PIGN: variants seen among roughly 807,000 people sequenced by gnomAD.
The protein encoded by PIGN is GPI ethanolamine phosphate transferase 1.
A neutral mutation model predicts 125.4 loss-of-function variants in PIGN; 117 were observed. The ratio of observed to expected loss-of-function variants is 0.93; its 90% confidence interval spans 0.80 to 1.09. The LOEUF (loss-of-function observed/expected upper bound fraction) is 1.09, where lower values mean the gene tolerates loss of function less well. PIGN is among the 50% of genes least tolerant of loss of function. The probability of loss-of-function intolerance (pLI) is 0.00; values close to 1 mark genes in which losing one functional copy is unlikely to be tolerated. For synonymous variants in PIGN, 392 were observed against 377.8 expected (o/e 1.04, Z -0.44); for missense variants, 1,075 against 1,094.9 (o/e 0.98, Z 0.26).
intron 10 of PIGN, among the ~76,000 whole-genome samples, chr18:62,144,184 A>G (rs1184520217): frequency 6.6e-6 from 1 of 152,228 alleles, no homozygotes; most frequent in Non-Finnish European, 1.5e-5. Context: ...GTGATTCTAA[A>G]ACGTCAATTC....
At chr18:62,156,649 T>C (rs553316857) in intron 6 of PIGN, among the ~76,000 whole-genome samples, 2 of 152,306 alleles carry the variant, frequency 1.3e-5, no homozygotes, top group Admixed American at 6.5e-5. Flanking sequence ...AATCTTTATA[T>C]GAGTAGCTAC....
chr18:62,092,376 C>A (rs1465125840), intron 23 of PIGN, among the ~76,000 whole-genome samples: 1 of 151,768 alleles, frequency 6.6e-6, no homozygotes, highest in Non-Finnish European at 1.5e-5. Context: ...AAGACAATTA[C>A]AAGTTAAAAA....
downstream of PIGN, among the ~76,000 whole-genome samples, chr18:62,039,746 A>T (rs56029526): frequency 8.1e-5 from 6 of 74,016 alleles, no homozygotes; most frequent in South Asian, 6.3e-4. Context: ...TTAGGGCCCC[A>T]TCCAGGGTGC....
At chr18:62,178,454 A>G (rs1307348420) in intron 1 of PIGN, among the ~76,000 whole-genome samples, 1 of 152,000 alleles carries the variant, frequency 6.6e-6, no homozygotes, top group Non-Finnish European at 1.5e-5. Context: ...AACATTTACT[A>G]AAAATACACA....
At chr18:62,093,039 C>T (rs2035275851) in intron 23 of PIGN, among the ~76,000 whole-genome samples, 1 of 152,000 alleles carries the variant, frequency 6.6e-6, no homozygotes, top group Non-Finnish European at 1.5e-5. Flanking sequence ...ACTAGCAGTA[C>T]ACTAATGGTT....
chr18:62,068,760 A>G (rs17634631), intron 30 of PIGN, among the ~76,000 whole-genome samples: 25,752 of 152,060 alleles, frequency 0.17, 2,943 homozygotes, highest in Middle Eastern at 0.28. Flanking sequence ...CACTTCTTTC[A>G]GCCTTGTTTC....
chr18:62,075,938 T>A (rs1350923704), intron 28 of PIGN: 2 of 151,684 alleles, frequency 1.3e-5, no homozygotes, highest in Non-Finnish European at 2.9e-5. Flanking sequence ...CATTGTTGAT[T>A]TTTTTTTTCT....
intron 30 of PIGN, among the ~76,000 whole-genome samples, chr18:62,063,118 C>T (rs1305707191): frequency 6.6e-6 from 1 of 151,332 alleles, no homozygotes; most frequent in African/African-American, 2.4e-5. Context: ...ATGTGTCAAG[C>T]AAACACAGGT....
chr18:62,134,299 G>A (rs549972555), intron 14 of PIGN, among the ~76,000 whole-genome samples: 15 of 152,262 alleles, frequency 9.9e-5, no homozygotes, highest in African/African-American at 3.4e-4. Context: ...ACTGAGGCAG[G>A]AGAATTGCTT....
At chr18:62,161,806 C>A (rs1207969211) in intron 3 of PIGN, among the ~76,000 whole-genome samples, 1 of 152,058 alleles carries the variant, frequency 6.6e-6, no homozygotes, top group African/African-American at 2.4e-5. Flanking sequence ...ACAATCATTG[C>A]CAATAACGGA....
At chr18:62,082,501 T>A (rs2033493822) in intron 28 of PIGN, among the ~76,000 whole-genome samples, 172 bp downstream of exon 28, 1 of 152,070 alleles carries the variant, frequency 6.6e-6, no homozygotes, top group Non-Finnish European at 1.5e-5. Context: ...AATCAACTAA[T>A]TTCCTCTAAT....
At chr18:62,118,824 C>G (rs1484723789) in intron 14 of PIGN, among the ~76,000 whole-genome samples, 1 of 147,842 alleles carries the variant, frequency 6.8e-6, no homozygotes. Context: ...TTATATTATA[C>G]TATATTATTC....
At chr18:62,071,525 A>AC (rs2032843626) in intron 30 of PIGN, among the ~76,000 whole-genome samples, 1 of 151,440 alleles carries the variant, frequency 6.6e-6, no homozygotes, top group Non-Finnish European at 1.5e-5. Context: ...CTAAGTTTTA[A>AC]TTTTTTTTTA....
intron 23 of PIGN, among the ~76,000 whole-genome samples, chr18:62,093,151 C>T (rs762749362): frequency 2.6e-5 from 4 of 151,904 alleles, no homozygotes; most frequent in Non-Finnish European, 4.4e-5. Context: ...AAAAGGCAAC[C>T]GTCATTTTTT....
At chr18:62,079,091 G>A (rs2033322765) in intron 28 of PIGN, among the ~76,000 whole-genome samples, 1 of 152,108 alleles carries the variant, frequency 6.6e-6, no homozygotes, top group South Asian at 2.1e-4. Flanking sequence ...TACCTTTCTT[G>A]CTGTTCTCCA....
chr18:62,128,011 T>C (rs1238482064), intron 14 of PIGN, among the ~76,000 whole-genome samples: 2 of 152,076 alleles, frequency 1.3e-5, no homozygotes, highest in Non-Finnish European at 2.9e-5. Flanking sequence ...TTATGAAAAA[T>C]CCTTATGAAA....
At chr18:62,083,651 T>C (rs1239325348) in intron 27 of PIGN, among the ~76,000 whole-genome samples, 3 of 152,130 alleles carry the variant, frequency 2.0e-5, no homozygotes, top group Non-Finnish European at 2.9e-5. Flanking sequence ...TGCTTGCTTG[T>C]TTTTAATTAA....
At chr18:62,036,082 G>T (rs2030256869) in intron 23 of PIGN, among the ~76,000 whole-genome samples, 1 of 152,210 alleles carries the variant, frequency 6.6e-6, no homozygotes, top group Middle Eastern at 3.2e-3. Flanking sequence ...AGGAGGAAAA[G>T]GCAACAGGCA....
intron 14 of PIGN, 180 bp downstream of exon 14, chr18:62,138,063 T>C: frequency 1.2e-6 from 1 of 820,552 alleles, no homozygotes; most frequent in Admixed American, 3.6e-5. Flanking sequence ...TTCAAAGTTA[T>C]CTAGCACCTG....
Sources: allele counts gnomAD v4.1 joint callset (sites outside exome capture counted in the v4.1 genomes callset), GRCh38; gene constraint gnomAD v4.1.1; transcripts MANE v1.5; gene names NCBI Gene and HGNC (gene_info 2026-07-23, HGNC 2026-07-21).